Variants in ATG2A observed in about 807,000 individuals in gnomAD.
ATG2A encodes autophagy-related protein 2 homolog A.
Under a neutral mutation model 214.2 loss-of-function variants are expected in ATG2A, and 103 were observed. That is an observed-to-expected ratio of 0.48 (90% confidence interval 0.41 to 0.57). The LOEUF (loss-of-function observed/expected upper bound fraction) is 0.57, where lower values mean the gene tolerates loss of function less well. Among genes scored for constraint, ATG2A ranks in the 20% least tolerant of loss-of-function variants. ATG2A has a pLI of 0.00. For missense variants in ATG2A, 2,312 were observed against 2,613.2 expected (o/e 0.88, Z 2.51); for synonymous variants, 1,160 against 1,142.1 (o/e 1.02, Z -0.32).
At position 64,906,645 on chromosome 11, in the gene ATG2A, C is replaced by A; in HGVS notation, c.2983+20G>T. 2 of 1,612,940 alleles carry A rather than the reference C, an allele frequency of 1.2e-6. No individual in the cohort carries two copies. The highest frequency in any genetic ancestry group is 1.7e-6 in the Non-Finnish European group (2 of 1,179,658). On this transcript the variant is annotated intron_variant, in intron 20 of 40. Coordinates refer to ENST00000377264, the MANE Select transcript of ATG2A (RefSeq NM_015104.3). ...CCCCAACCCTGGACCCCAGTGGTGA[C>A]CTGCCCCCAGGCCTCACACCTCGGT...
Position 64,906,438 on chromosome 11 carries a change from C to A in ATG2A, c.3079G>T (p.Gly1027Trp). 1 of 1,613,262 alleles carries A rather than the reference C, an allele frequency of 6.2e-7. No homozygotes were observed. The highest frequency in any genetic ancestry group is 8.5e-7 in the Non-Finnish European group (1 of 1,179,994). Residue 1027 changes from glycine (G) to tryptophan (W), a missense_variant, in exon 21 of 41, where the codon GGG becomes TGG. By Grantham distance (184) the Gly-to-Trp change is radical. Coordinates refer to ENST00000377264, the MANE Select transcript of ATG2A (RefSeq NM_015104.3). ...CCCGAGGCTCCCCGCTCGGTCACCC[C>A]TTCCTCCGATGGGTAGATGGTTGGG... ...LAPTIYPSEE[G>W]VTERGASGRK...
chr11:64,912,615 T>C (rs1380216647), intron 6 of ATG2A, 192 bp from the exon 7 acceptor site: 2 of 576,268 alleles, frequency 3.5e-6, no homozygotes, highest in African/African-American at 1.9e-5. Context: ...CTTTTTGAGA[T>C]GGAGTTTCAC....
chr11:64,898,125 C>G lies in ATG2A; in HGVS notation c.4819G>C (p.Gly1607Arg). ...LKDFFTSLVA[G>R]INPVVPGETS... ...TCCCCTGGGACCACGGGGTTGATGC[C>G]GGCCACCAGACTAGTGAAGAAGTCC... Residue 1607 changes from glycine (G) to arginine (R), a missense_variant, in exon 34 of 41, where the codon GGC becomes CGC. Coordinates refer to ENST00000377264, the MANE Select transcript of ATG2A (RefSeq NM_015104.3). This position sits in a 1 kb window ranked among gnomAD's most constrained non-coding sequence, Gnocchi z 4.5. 1.2e-6 allele frequency: 2 copies of G among 1,614,078 alleles called. No individual in the cohort carries two copies. Among genetic ancestry groups the G allele is most frequent in the Non-Finnish European group, 1.7e-6 (2 of 1,180,002 alleles).
In ATG2A at chr11:64,902,556, G is replaced by C. The variant is rs754243437; in HGVS notation, c.3737C>G (p.Pro1246Arg). The C allele has an allele frequency of 4.1e-5, 64 of 1,557,700 alleles. No homozygotes were observed. In the East Asian group the frequency reaches 9.9e-4, roughly 24 times the overall value. The change falls in exon 27 of 41, where the codon CCA (proline) becomes CGA (arginine). Residue 1246 changes from proline to arginine, a missense_variant. Coordinates refer to ENST00000377264, the MANE Select transcript of ATG2A (RefSeq NM_015104.3). Reference protein sequence around the residue: ...YVMSTGDLHPPPRPPSPTEIA... With the variant: ...YVMSTGDLHPRPRPPSPTEIA... The stretch of plus-strand genomic sequence containing the variant: ...CTCCGTGGGGCTGGGGGGCCGGGGT[G>C]GGGGGTGCAGATCGCCTGTGCTCAT...
In ATG2A at chr11:64,902,358, G is replaced by A. The variant is rs764179498; in HGVS notation, c.3806C>T (p.Ser1269Leu). Reference protein sequence around the residue: ...KLSESPASLPSCPPVETALIN... With the variant: ...KLSESPASLPLCPPVETALIN... ...GAGGGCCGTCTCCACTGGGGGGCAC[G>A]AGGGCAGAGAGGCAGGACTCTCCGA... Residue 1269 changes from serine (S) to leucine (L), a missense_variant, in exon 28 of 41, where the codon TCG (serine) becomes TTG (leucine). Ser to Leu is a moderately radical substitution (Grantham distance 145, BLOSUM62 -2). Transcript: ENST00000377264. 39 of 1,595,872 alleles carry A rather than the reference G, an allele frequency of 2.4e-5. No homozygotes were observed. In the South Asian group the frequency reaches 3.4e-4, roughly 14 times the overall value.
At position 64,909,822 on chromosome 11, in the gene ATG2A, G is replaced by C; in HGVS notation, c.1966C>G (p.Pro656Ala). 6.2e-7 allele frequency: 1 copy of C among 1,610,796 alleles called. No homozygotes were observed. Among genetic ancestry groups the C allele is most frequent in the South Asian group, 1.1e-5 (1 of 91,008 alleles). The change falls in exon 14 of 41, where the codon CCG (proline) becomes GCG (alanine). Residue 656 changes from proline to alanine, a missense_variant. Pro to Ala is a conservative substitution (Grantham distance 27). Transcript: ENST00000377264. ...ACGGCCTGGCCCGCCCAGGGGTCCGGCTCAGGCCGCAGGTCGGCAATGGGG... is the reference window on the plus strand; with the variant it reads ...ACGGCCTGGCCCGCCCAGGGGTCCGCCTCAGGCCGCAGGTCGGCAATGGGG... ...RFPIADLRPEPDPWAGQAVRA... is the reference protein window; with the variant it reads ...RFPIADLRPEADPWAGQAVRA...
chr11:64,913,489 G>T lies in ATG2A; in HGVS notation c.591-88C>A. On this transcript the variant is annotated intron_variant, in intron 4 of 40. Transcript: ENST00000377264. This position sits in a 1 kb window ranked among gnomAD's most constrained non-coding sequence, Gnocchi z 4.3. ...CAGTGCTCTGCTCTAGGGGCACGGGGTCAGGGAGCCTAGCCTGCAGAGCTG... is the reference window on the plus strand; with the variant it reads ...CAGTGCTCTGCTCTAGGGGCACGGGTTCAGGGAGCCTAGCCTGCAGAGCTG... The T allele has an allele frequency of 7.0e-7, 1 of 1,434,444 alleles. No homozygotes were observed. The highest frequency in any genetic ancestry group is 2.5e-5 in the East Asian group (1 of 40,084). The allele number at this position is 1,434,444 out of a possible 1,614,324, so 88.9% of individuals were successfully genotyped here.
intron 16 of ATG2A, among the ~76,000 whole-genome samples, chr11:64,908,535 C>A (rs960189188): frequency 6.6e-6 from 1 of 150,858 alleles, no homozygotes; most frequent in Non-Finnish European, 1.5e-5. Context: ...CTCGGCGACA[C>A]AGCAAAACTC....
chr11:64,905,657 TG>T lies in ATG2A; in HGVS notation c.3372-3del. 6.2e-7 allele frequency: 1 copy of T among 1,613,852 alleles called. No individual in the cohort carries two copies. The highest frequency in any genetic ancestry group is 8.5e-7 in the Non-Finnish European group (1 of 1,179,930). ...ACACGCACTGGGAGGTAGAGTGGCC[TG>T]GGGGTGATACTCGGGCTGGGGCCGG... On this transcript the variant is annotated splice_region_variant and splice_polypyrimidine_tract_variant and intron_variant, in intron 23 of 40. Transcript: ENST00000377264.
chr11:64,897,583 A>C lies in ATG2A; in HGVS notation c.5067+88T>G, dbSNP rs890058667. 3 of 1,605,470 alleles carry C rather than the reference A, an allele frequency of 1.9e-6. No homozygotes were observed. In the African/African-American group the frequency reaches 4.0e-5, roughly 21 times the overall value. ...GCCACTGGAGAGCGCCCTGGCTGCTAACAGTGCCTGGATGCAAGACCTGGC... is the reference window on the plus strand; with the variant it reads ...GCCACTGGAGAGCGCCCTGGCTGCTCACAGTGCCTGGATGCAAGACCTGGC... On this transcript the variant is annotated intron_variant, in intron 36 of 40. Coordinates refer to ENST00000377264, the MANE Select transcript of ATG2A (RefSeq NM_015104.3).
chr11:64,908,020 GA>G lies in ATG2A; in HGVS notation c.2365-131del, dbSNP rs1375274413. 2.7e-6 allele frequency: 3 copies of G among 1,110,360 alleles called. No individual in the cohort carries two copies. The African/African-American group carries it at 4.7e-5, about 17-fold the overall frequency. The allele number at this position is 1,110,360 out of a possible 1,614,324, so 68.8% of individuals were successfully genotyped here. ...TTCATAGGAGCCCTTCTCTACTGGGGATGCATGATAGCCGTACAGATACAGT... is the reference window on the plus strand; with the variant it reads ...TTCATAGGAGCCCTTCTCTACTGGGGTGCATGATAGCCGTACAGATACAGT... On this transcript the variant is annotated intron_variant, in intron 16 of 40. Coordinates refer to ENST00000377264, the MANE Select transcript of ATG2A (RefSeq NM_015104.3).
chr11:64,911,695 C>T, intron 9 of ATG2A, 147 bp downstream of exon 9: 1 of 1,177,116 alleles, frequency 8.5e-7, no homozygotes, highest in Non-Finnish European at 1.2e-6. Flanking sequence ...CAGCTCCCAC[C>T]TTGTTTGGTC....
At position 64,916,947 on chromosome 11, in the gene ATG2A, T is replaced by A; in HGVS notation, c.171+18A>T. 6.2e-7 allele frequency: 1 copy of A among 1,612,230 alleles called. No homozygotes were observed. Among genetic ancestry groups the A allele is most frequent in the Non-Finnish European group, 8.5e-7 (1 of 1,179,786 alleles). On this transcript the variant is annotated intron_variant, in intron 1 of 40. Coordinates refer to ENST00000377264, the MANE Select transcript of ATG2A (RefSeq NM_015104.3). Reference sequence around the variant, plus strand: ...TCCCACCCTCCGCACCTTCCTGGACTCGGGCCTGGCTCCTCACCCAGATTT... The same window carrying A: ...TCCCACCCTCCGCACCTTCCTGGACACGGGCCTGGCTCCTCACCCAGATTT...
rs1944238935 is a variant in ATG2A, at chr11:64,898,546, G to GTGTATGTGTGTGAATCCA, written c.4671+72_4671+89dup. The GTGTATGTGTGTGAATCCA allele has an allele frequency of 1.1e-5, 16 of 1,455,934 alleles. No individual in the cohort carries two copies. The South Asian group carries it at 1.8e-4, about 16-fold the overall frequency. 90.2% of individuals were successfully genotyped at this position (1,455,934 alleles called of 1,614,324 possible). ...AACCTGGGTGTTTGTGTGGGAATGC[G>GTGTATGTGTGTGAATCCA]TGTATGTGTGTGAATCCATGCATGC... is the stretch of plus-strand genomic sequence containing the variant. On this transcript the variant is annotated intron_variant, in intron 32 of 40. Transcript: ENST00000377264. The surrounding 1 kb of genome is among the most constrained non-coding windows in gnomAD (Gnocchi z 4.5).
rs11827610 is a variant in ATG2A at position 64,898,030 on chromosome 11, T to G, written c.4858+56A>C. The G allele has an allele frequency of 0.063, 100,897 of 1,604,854 alleles. 8,365 individuals carry two copies. Among genetic ancestry groups the G allele is most frequent in the African/African-American group, 0.41 (30,571 of 74,674 alleles). On this transcript the variant is annotated intron_variant, in intron 34 of 40. Transcript: ENST00000377264. The surrounding 1 kb of genome is among the most constrained non-coding windows in gnomAD (Gnocchi z 4.5). ...GGGGCCAGGAATGACTGGGAACCTG[T>G]GCTGTCCTGGGAGGCAGAAGGCCCA...
In ATG2A at chr11:64,898,818, G is replaced by T. The variant is rs567842547; in HGVS notation, c.4489C>A (p.Pro1497Thr). The T allele has an allele frequency of 6.2e-7, 1 of 1,611,732 alleles. No homozygotes were observed. Among genetic ancestry groups the T allele is most frequent in the Non-Finnish European group, 8.5e-7 (1 of 1,179,904 alleles). ...SKVSFQHEVY[P>T]AEPATGPAAP... ...GCAGGGCCTGTGGCTGGCTCCGCTG[G>T]GTACACCTCGTGCTGGAAGCTTACC... is the stretch of plus-strand genomic sequence containing the variant. The change falls in exon 32 of 41, where the codon CCA becomes ACA. Residue 1497 changes from proline (P) to threonine (T), a missense_variant. By Grantham distance (38) the Pro-to-Thr change is conservative. Coordinates refer to ENST00000377264, the MANE Select transcript of ATG2A (RefSeq NM_015104.3). The surrounding 1 kb of genome is among the most constrained non-coding windows in gnomAD (Gnocchi z 4.5).
In ATG2A at chr11:64,916,856, C is replaced by T. The variant is rs1444826432; in HGVS notation, c.171+109G>A. ...CCTGGAGAGGGCAAGATTCCCCTGG[C>T]CTCTCTACGCCCGGTGCCTGATCCC... On this transcript the variant is annotated intron_variant, in intron 1 of 40. Transcript: ENST00000377264. 4.1e-6 allele frequency: 6 copies of T among 1,465,790 alleles called. No individual in the cohort carries two copies. In the East Asian group the frequency reaches 1.2e-4, roughly 30 times the overall value. 90.8% of individuals were successfully genotyped at this position (1,465,790 alleles called of 1,614,324 possible).
chr11:64,911,372 G>A, intron 9 of ATG2A, 97 bp from the exon 10 acceptor site: 5 of 1,254,920 alleles, frequency 4.0e-6, no homozygotes, highest in Non-Finnish European at 5.6e-6. Context: ...GGGAGGCCAG[G>A]TCTGCCCCAC....
rs1199641167 is a variant in ATG2A, at chr11:64,906,260, G to C, written c.3184-67C>G. 4 of 1,605,346 alleles carry C rather than the reference G, an allele frequency of 2.5e-6. No homozygotes were observed. In the African/African-American group the frequency reaches 5.4e-5, roughly 22 times the overall value. Reference sequence around the variant, plus strand: ...CCACCGTGCACTGGGGCCTCACCGCGCACTGGGGTCCCACCGCACACCGGG... The same window carrying C: ...CCACCGTGCACTGGGGCCTCACCGCCCACTGGGGTCCCACCGCACACCGGG... On this transcript the variant is annotated intron_variant, in intron 21 of 40. Coordinates refer to ENST00000377264, the MANE Select transcript of ATG2A (RefSeq NM_015104.3).
Sources: gnomAD v4.1 joint callset for allele counts (sites outside exome capture counted in the v4.1 genomes callset) on GRCh38, gnomAD v4.1.1 for gene constraint, Gnocchi (gnomAD v3.1) non-coding constraint, MANE v1.5 for transcripts, NCBI Gene and HGNC (gene_info 2026-07-23, HGNC 2026-07-21) for gene names.